PHLPP1: variants seen among roughly 807,000 people sequenced by gnomAD.
The protein encoded by PHLPP1 is PH domain leucine-rich repeat-containing protein phosphatase 1.
PHLPP1 carries 42 observed loss-of-function variants against 117.2 expected under a neutral mutation model. The observed-to-expected ratio is 0.36, with a 90% CI of 0.28 to 0.46. The LOEUF (loss-of-function observed/expected upper bound fraction) is 0.46, where lower values mean the gene tolerates loss of function less well. PHLPP1 is among the 20% of genes least tolerant of loss of function. The pLI is 1.00. For synonymous variants in PHLPP1, 1,042 were observed against 970.7 expected (o/e 1.07, Z -1.37); for missense variants, 2,084 against 2,241.9 (o/e 0.93, Z 1.42).
At chr18:62,955,227 G>A (rs1012332624) in intron 12 of PHLPP1, among the ~76,000 whole-genome samples, 6 of 152,202 alleles carry the variant, frequency 3.9e-5, no homozygotes, top group African/African-American at 1.2e-4. Context: ...ATGAGCTGCA[G>A]GCACTCTGGC....
chr18:62,971,693 T>C (rs903181056), intron 14 of PHLPP1, among the ~76,000 whole-genome samples: 7 of 152,160 alleles, frequency 4.6e-5, no homozygotes, highest in Non-Finnish European at 7.3e-5. Context: ...TGACCTGTGC[T>C]CTTATTGTCC....
intron 6 of PHLPP1, among the ~76,000 whole-genome samples, chr18:62,899,625 C>A (rs928100834): frequency 2.0e-5 from 3 of 152,156 alleles, no homozygotes; most frequent in Non-Finnish European, 2.9e-5. Context: ...ATTGTGAAAT[C>A]TGTTGAAAAA....
intron 1 of PHLPP1, among the ~76,000 whole-genome samples, chr18:62,771,659 C>T (rs1358669271): frequency 6.6e-6 from 1 of 152,184 alleles, no homozygotes; most frequent in Non-Finnish European, 1.5e-5. Context: ...GAAGTGGGTC[C>T]TCTAGTTATG....
At position 62,978,066 on chromosome 18, in the gene PHLPP1, G is replaced by A. The variant is rs73963653; in HGVS notation, c.3985-196G>A. Among the ~76,000 whole-genome samples the A allele has an allele frequency of 5.1e-3, 775 of 152,192 alleles. 6 individuals carry two copies. The highest frequency in any genetic ancestry group is 0.018 in the African/African-American group (735 of 41,502). ...TCCCTACTGCTCCTTACCTGCCCAGGCCTACTACCTGGGGTTTCTGATGAC... is the reference window on the plus strand; with the variant it reads ...TCCCTACTGCTCCTTACCTGCCCAGACCTACTACCTGGGGTTTCTGATGAC... On this transcript the variant is annotated intron_variant, in intron 16 of 16. Coordinates refer to ENST00000262719, the MANE Select transcript of PHLPP1 (RefSeq NM_194449.4). The surrounding 1 kb of genome is among the most constrained non-coding windows in gnomAD (Gnocchi z 7.0).
chr18:62,934,305 A>G (rs964328719), intron 10 of PHLPP1, among the ~76,000 whole-genome samples: 2 of 152,198 alleles, frequency 1.3e-5, no homozygotes, highest in African/African-American at 4.8e-5. Context: ...ACAATAGCAA[A>G]GTCATGGAAT....
intron 1 of PHLPP1, among the ~76,000 whole-genome samples, chr18:62,795,364 G>C (rs892039120): frequency 1.3e-4 from 20 of 151,770 alleles, no homozygotes; most frequent in African/African-American, 4.6e-4. Flanking sequence ...TGTAGTCCCA[G>C]CTACTCGGGA....
chr18:62,808,582 C>T (rs1257399331), intron 1 of PHLPP1, among the ~76,000 whole-genome samples: 14 of 129,302 alleles, frequency 1.1e-4, no homozygotes, highest in African/African-American at 3.7e-4. Context: ...GACGGAGTTT[C>T]ACTCTTGTCG....
intron 12 of PHLPP1, among the ~76,000 whole-genome samples, chr18:62,951,812 A>ATTTTTT (rs34516044): frequency 2.0e-5 from 2 of 101,422 alleles, no homozygotes; most frequent in Non-Finnish European, 1.9e-5. Flanking sequence ...CACATAATTA[A>ATTTTTT]TTTTTTTTTT....
At chr18:62,851,505 G>T (rs763515884) in intron 3 of PHLPP1, among the ~76,000 whole-genome samples, 1 of 152,040 alleles carries the variant, frequency 6.6e-6, no homozygotes, top group African/African-American at 2.4e-5. Context: ...CTGTCGCCTA[G>T]GCTGGAGTGC....
chr18:62,977,857 C>T (rs1393748996), intron 16 of PHLPP1, among the ~76,000 whole-genome samples: 1 of 152,200 alleles, frequency 6.6e-6, no homozygotes, highest in African/African-American at 2.4e-5. Flanking sequence ...CGTCTGAGGG[C>T]CGATCCTTGA....
At chr18:62,848,035 GGCA>G (rs1915224734) in intron 3 of PHLPP1, among the ~76,000 whole-genome samples, 2 of 152,312 alleles carry the variant, frequency 1.3e-5, no homozygotes, top group South Asian at 4.1e-4. Context: ...AAGTATCCCT[GGCA>G]ATTCCAACAA....
intron 3 of PHLPP1, among the ~76,000 whole-genome samples, chr18:62,854,460 G>A (rs1420427163): frequency 6.6e-6 from 1 of 152,172 alleles, no homozygotes; most frequent in African/African-American, 2.4e-5. Context: ...ATCTGTATTT[G>A]GTCAGCAGAT....
intron 12 of PHLPP1, among the ~76,000 whole-genome samples, chr18:62,953,936 G>A (rs771104773): frequency 6.6e-6 from 1 of 152,178 alleles, no homozygotes; most frequent in Admixed American, 6.5e-5. Flanking sequence ...AGTACAGGCA[G>A]CTATTTGGCA....
In PHLPP1 at chr18:62,975,486, C is replaced by T. The variant is rs986352945; in HGVS notation, c.3845C>T (p.Thr1282Ile). Reference sequence around the variant, plus strand: ...CCTGTGGATCCAGGAGGATCCTTCACCTTGACCTCTGCTAATGTGGGCAAG... The same window carrying T: ...CCTGTGGATCCAGGAGGATCCTTCATCTTGACCTCTGCTAATGTGGGCAAG... ...HDPVDPGGSFTLTSANVGKCQ... is the reference protein window; with the variant it reads ...HDPVDPGGSFILTSANVGKCQ... Residue 1282 changes from threonine (T) to isoleucine (I), a missense_variant, in exon 16 of 17, where the codon ACC (threonine) becomes ATC (isoleucine). Physicochemically the swap from Thr to Ile is moderately conservative, Grantham distance 89. This residue lies in a region of PHLPP1 where 1,365 missense variants were observed against 1,605.9 expected (regional missense o/e 0.85). Coordinates refer to ENST00000262719, the MANE Select transcript of PHLPP1 (RefSeq NM_194449.4). The T allele has an allele frequency of 6.2e-7, 1 of 1,613,484 alleles. No homozygotes were observed. Among genetic ancestry groups the T allele is most frequent in the Non-Finnish European group, 8.5e-7 (1 of 1,179,392 alleles).
At chr18:62,899,568 C>T (rs1266319996) in intron 6 of PHLPP1, among the ~76,000 whole-genome samples, 3 of 152,294 alleles carry the variant, frequency 2.0e-5, no homozygotes, top group South Asian at 2.1e-4. Context: ...TTACCACATA[C>T]CTGTAGTTCC....
intron 1 of PHLPP1, among the ~76,000 whole-genome samples, chr18:62,729,913 G>A (rs144833348): frequency 8.1e-4 from 123 of 152,272 alleles, no homozygotes; most frequent in African/African-American, 2.5e-3. Flanking sequence ...TTACTGTTTA[G>A]TGCTTTATAA....
intron 1 of PHLPP1, among the ~76,000 whole-genome samples, chr18:62,809,486 G>T (rs1037672514): frequency 6.6e-6 from 1 of 152,146 alleles, no homozygotes; most frequent in African/African-American, 2.4e-5. Flanking sequence ...GGATCACAAG[G>T]TCAAGAGATG....
At chr18:62,802,795 G>A (rs1468438939) in intron 1 of PHLPP1, among the ~76,000 whole-genome samples, 1 of 152,038 alleles carries the variant, frequency 6.6e-6, no homozygotes, top group African/African-American at 2.4e-5. Context: ...AAGTTGTCTT[G>A]AGGAGTATTA....
rs911242073 is a variant in PHLPP1 at position 62,777,353 on chromosome 18, G to A, written c.1577-52682G>A. On this transcript the variant is annotated intron_variant, in intron 1 of 16. Transcript: ENST00000262719. The stretch of plus-strand genomic sequence containing the variant: ...AGATATCTTCATTTATGAGATGTGA[G>A]TTTAGATCTTTTGCCCATTTTTCTT... Among the ~76,000 whole-genome samples, 4 of 152,146 alleles carry A rather than the reference G, an allele frequency of 2.6e-5. No homozygotes were observed. The South Asian group carries it at 8.3e-4, about 32-fold the overall frequency.
Sources: allele counts gnomAD v4.1 joint callset (sites outside exome capture counted in the v4.1 genomes callset), GRCh38; gene constraint gnomAD v4.1.1; regional missense constraint gnomAD v4.1.1; non-coding constraint Gnocchi (gnomAD v3.1); transcripts MANE v1.5; gene names NCBI Gene and HGNC (gene_info 2026-07-23, HGNC 2026-07-21).